USP25: variants seen among roughly 807,000 people sequenced by gnomAD.
The protein encoded by USP25 is ubiquitin carboxyl-terminal hydrolase 25.
A neutral mutation model predicts 158.5 loss-of-function variants in USP25; 85 were observed. The observed-to-expected ratio is 0.54, with a 90% CI of 0.45 to 0.64. The LOEUF (loss-of-function observed/expected upper bound fraction) is 0.64, where lower values mean the gene tolerates loss of function less well. Among genes scored for constraint, USP25 ranks in the 30% least tolerant of loss-of-function variants. The probability of loss-of-function intolerance (pLI) is 0.00; values close to 1 mark genes in which losing one functional copy is unlikely to be tolerated. For synonymous variants in USP25, 464 were observed against 460.4 expected (o/e 1.01, Z -0.10); for missense variants, 1,242 against 1,327.3 (o/e 0.94, Z 1.00).
At chr21:15,824,931 A>G in intron 11 of USP25, 35 bp from the exon 12 acceptor site, 1 of 1,537,072 alleles carries the variant, frequency 6.5e-7, no homozygotes. Context: ...CTTTCATGAT[A>G]TTCGGAAATG....
At chr21:15,833,140 A>G (rs986276002) in intron 16 of USP25, among the ~76,000 whole-genome samples, 17 of 152,234 alleles carry the variant, frequency 1.1e-4, no homozygotes, top group African/African-American at 3.9e-4. Context: ...AAATATTTTC[A>G]TCATTGTTTT....
intron 17 of USP25, among the ~76,000 whole-genome samples, chr21:15,836,472 T>C (rs1196385893): frequency 6.6e-6 from 1 of 152,202 alleles, no homozygotes; most frequent in Admixed American, 6.5e-5. Context: ...TGAATACTTT[T>C]GTTGAGATTT....
chr21:15,845,379 A>G (rs984934011), intron 18 of USP25, among the ~76,000 whole-genome samples: 2 of 152,192 alleles, frequency 1.3e-5, no homozygotes, highest in African/African-American at 2.4e-5. Flanking sequence ...ATAAATAAAC[A>G]TGTATTTTAC....
chr21:15,786,044 T>A (rs758051413), intron 4 of USP25, among the ~76,000 whole-genome samples: 1 of 151,796 alleles, frequency 6.6e-6, no homozygotes, highest in Non-Finnish European at 1.5e-5. Flanking sequence ...TTCTAGAATA[T>A]AGGAAAAATG....
At chr21:15,749,167 A>G (rs995293300) in intron 1 of USP25, among the ~76,000 whole-genome samples, 1 of 152,216 alleles carries the variant, frequency 6.6e-6, no homozygotes, top group Admixed American at 6.5e-5. Flanking sequence ...TTAGCGCCAA[A>G]TAAATATTCA....
intron 7 of USP25, among the ~76,000 whole-genome samples, chr21:15,806,712 T>G (rs942434398): frequency 6.6e-6 from 1 of 152,212 alleles, no homozygotes; most frequent in Non-Finnish European, 1.5e-5. Flanking sequence ...TAAGTTTGAT[T>G]CTCTTCTGTT....
At chr21:15,743,588 A>G (rs1396741923) in intron 1 of USP25, among the ~76,000 whole-genome samples, 1 of 152,206 alleles carries the variant, frequency 6.6e-6, no homozygotes, top group African/African-American at 2.4e-5. Flanking sequence ...CAATTGGTTT[A>G]AAAGCATTAT....
chr21:15,742,930 T>A (rs1175277625), intron 1 of USP25, among the ~76,000 whole-genome samples: 1 of 152,202 alleles, frequency 6.6e-6, no homozygotes, highest in African/African-American at 2.4e-5. Context: ...ACAGCTGGAC[T>A]CCAGCATTCA....
intron 21 of USP25, among the ~76,000 whole-genome samples, chr21:15,865,299 C>A (rs978078906): frequency 6.6e-6 from 1 of 152,002 alleles, no homozygotes; most frequent in Non-Finnish European, 1.5e-5. Context: ...TGTTGCAGTT[C>A]ATTGTAATTT....
In USP25 at chr21:15,818,827, C is replaced by T. The variant is rs1439148641; in HGVS notation, c.1061C>T (p.Ser354Leu). Residue 354 changes from serine (S) to leucine (L), a missense_variant, in exon 10 of 26, where the codon TCA (serine) becomes TTA (leucine). By Grantham distance (145) the Ser-to-Leu change is moderately radical. This residue lies in a region of USP25 where 627 missense variants were observed against 701.4 expected (regional missense o/e 0.89). Transcript: ENST00000400183. ...ATTGAGTCTTTACATTCAGAGAATT[C>T]AGGAAAATCAGGCCAAGAGGTGAGT... ...GEIESLHSEN[S>L]GKSGQEHWFT... 2 of 1,613,650 alleles carry T rather than the reference C, an allele frequency of 1.2e-6. No individual in the cohort carries two copies. The highest frequency in any genetic ancestry group is 4.5e-5 in the East Asian group (2 of 44,824).
intron 5 of USP25, among the ~76,000 whole-genome samples, chr21:15,794,774 C>A (rs907016754): frequency 1.3e-5 from 2 of 151,266 alleles, no homozygotes; most frequent in African/African-American, 4.9e-5. Context: ...AATACAGGCA[C>A]CCTGAGGGCA....
chr21:15,769,027 T>C (rs2034198163), intron 3 of USP25, among the ~76,000 whole-genome samples: 1 of 152,098 alleles, frequency 6.6e-6, no homozygotes. Flanking sequence ...CTGTTTCTTT[T>C]AGAAGGAATA....
intron 1 of USP25, among the ~76,000 whole-genome samples, chr21:15,730,976 GTTTTTTTTTTTTT>G (rs748732727): frequency 7.5e-5 from 4 of 53,646 alleles, no homozygotes; most frequent in South Asian, 1.2e-3. Flanking sequence ...CTTCTTTTCT[GTTTTTTTTTTTTT>G]TTTTTTTTTT....
intron 1 of USP25, among the ~76,000 whole-genome samples, chr21:15,736,861 CTG>C (rs897330075): frequency 6.8e-6 from 1 of 147,190 alleles, no homozygotes; most frequent in African/African-American, 2.5e-5. Context: ...TTAATTTTAA[CTG>C]TGTTTTTTGG....
intron 4 of USP25, 120 bp from the exon 5 acceptor site, chr21:15,791,382 A>G (rs1783808903): frequency 9.1e-7 from 1 of 1,098,218 alleles, no homozygotes; most frequent in African/African-American, 1.6e-5. Context: ...TTAGTATTAA[A>G]TATTATTTCT....
At chr21:15,834,422 ATAT>A (rs2037959961) in intron 17 of USP25, among the ~76,000 whole-genome samples, 1 of 152,012 alleles carries the variant, frequency 6.6e-6, no homozygotes, top group Non-Finnish European at 1.5e-5. Flanking sequence ...CTGCTAGTGG[ATAT>A]TATTGAATAA....
At chr21:15,859,135 T>C (rs2039296344) in intron 20 of USP25, among the ~76,000 whole-genome samples, 1 of 148,776 alleles carries the variant, frequency 6.7e-6, no homozygotes, top group African/African-American at 2.4e-5. Flanking sequence ...TATATATATA[T>C]AATATATCTA....
At chr21:15,780,155 A>C (rs2123517097) in intron 4 of USP25, among the ~76,000 whole-genome samples, 1 of 152,292 alleles carries the variant, frequency 6.6e-6, no homozygotes, top group East Asian at 1.9e-4. Context: ...AATCTTTGCA[A>C]ATAAAATTCC....
intron 10 of USP25, among the ~76,000 whole-genome samples, chr21:15,821,649 C>G (rs2037242685): frequency 6.6e-6 from 1 of 151,908 alleles, no homozygotes; most frequent in Admixed American, 6.6e-5. Flanking sequence ...GCAAATGAGT[C>G]AAGGCAATTA....
Sources: gnomAD v4.1 joint callset for allele counts (sites outside exome capture counted in the v4.1 genomes callset) on GRCh38, gnomAD v4.1.1 for gene constraint, gnomAD v4.1.1 regional missense constraint, MANE v1.5 for transcripts, NCBI Gene and HGNC (gene_info 2026-07-23, HGNC 2026-07-21) for gene names.